Variants in ASB18 observed in about 807,000 individuals in gnomAD.
ASB18 encodes the protein ankyrin repeat and SOCS box containing 18.
ASB18 carries 33 observed loss-of-function variants against 33.4 expected under a neutral mutation model. The observed-to-expected ratio is 0.99, with a 90% CI of 0.75 to 1.32. The LOEUF (loss-of-function observed/expected upper bound fraction) is 1.32, where lower values mean the gene tolerates loss of function less well. Ranked by LOEUF, ASB18 falls within the 40% of genes most tolerant of loss-of-function variation. The probability of loss-of-function intolerance (pLI) is 0.00; values close to 1 mark genes in which losing one functional copy is unlikely to be tolerated. For synonymous variants in ASB18, 295 were observed against 307.6 expected, an observed-to-expected ratio of 0.96 and a Z score of 0.43; for missense variants, 694 against 655.5, an observed-to-expected ratio of 1.06 and a Z score of -0.64.
Position 236,214,830 on chromosome 2 carries a change from C to T in ASB18, c.633G>A (p.Val211=). 7 of 1,213,584 alleles carry T rather than the reference C, an allele frequency of 5.8e-6. No homozygotes were observed. The highest frequency in any genetic ancestry group is 7.2e-6 in the Non-Finnish European group (7 of 975,974). 75.2% of individuals were successfully genotyped at this position (1,213,584 alleles called of 1,614,324 possible). ...CCCGGCCCGTGCCGCCCACGCGCTG[C>T]ACCGAGGCCCCGTGCTCCAGCAGCG... ...AQALLEHGAS[V]QRVGGTGRDT... Residue 211 remains valine (V), a synonymous_variant, in exon 4 of 6, where the codon GTG becomes GTA. Coordinates refer to ENST00000409749, the MANE Select transcript of ASB18 (RefSeq NM_212556.4). The surrounding 1 kb of genome is among the most constrained non-coding windows in gnomAD (Gnocchi z 6.5).
intron 2 of ASB18, among the ~76,000 whole-genome samples, chr2:236,240,524 G>A (rs2060616382): frequency 6.6e-6 from 1 of 152,220 alleles, no homozygotes; most frequent in Non-Finnish European, 1.5e-5. Context: ...AAACTTCTTG[G>A]TAAATATGTT....
chr2:236,218,482 A>C (rs1248059873), intron 3 of ASB18, among the ~76,000 whole-genome samples: 1 of 152,196 alleles, frequency 6.6e-6, no homozygotes, highest in Admixed American at 6.5e-5. Flanking sequence ...AAAAGCTTAA[A>C]TATATCTATG....
chr2:236,256,931 A>G lies in ASB18; in HGVS notation c.205+7210T>C, dbSNP rs1039680162. 7.2e-5 allele frequency among the ~76,000 whole-genome samples: 11 copies of G among 152,266 alleles called. No individual in the cohort carries two copies. In the East Asian group the frequency reaches 1.9e-3, roughly 27 times the overall value. ...TGTGTCTCGTAGAAAGCAAAGAAAC[A>G]TTTTAATTCTAGGTGGTGGGAGATA... On this transcript the variant is annotated intron_variant, in intron 1 of 5. Transcript: ENST00000409749. The surrounding 1 kb of genome is among the most constrained non-coding windows in gnomAD (Gnocchi z 4.7).
chr2:236,230,657 G>T (rs2060559943), intron 3 of ASB18, among the ~76,000 whole-genome samples: 2 of 151,288 alleles, frequency 1.3e-5, no homozygotes, highest in African/African-American at 4.9e-5. Context: ...TATTACCTGA[G>T]GGTAGAGTGT....
At position 236,203,031 on chromosome 2, in the gene ASB18, T is replaced by C. The variant is rs1335786049; in HGVS notation, c.1102-6646A>G. Reference sequence around the variant, plus strand: ...TTGGTATTTGCATTTAGTTTTACAATGTGTTTCCCAATTATTTGTCCCTGT... The same window carrying C: ...TTGGTATTTGCATTTAGTTTTACAACGTGTTTCCCAATTATTTGTCCCTGT... On this transcript the variant is annotated intron_variant, in intron 4 of 5. Coordinates refer to ENST00000409749, the MANE Select transcript of ASB18 (RefSeq NM_212556.4). The surrounding 1 kb of genome is among the most constrained non-coding windows in gnomAD (Gnocchi z 6.0). Among the ~76,000 whole-genome samples, 4 of 152,070 alleles carry C rather than the reference T, an allele frequency of 2.6e-5. No homozygotes were observed. Among genetic ancestry groups the C allele is most frequent in the Non-Finnish European group, 5.9e-5 (4 of 68,026 alleles).
In ASB18 at chr2:236,209,072, G is replaced by A. The variant is rs1203835717; in HGVS notation, c.1101+5290C>T. ...GCACGCAACTCTGTGAAGATGGGAG[G>A]GGGAGCCCTGGTTTTTGACTACTGC... On this transcript the variant is annotated intron_variant, in intron 4 of 5. Coordinates refer to ENST00000409749, the MANE Select transcript of ASB18 (RefSeq NM_212556.4). The surrounding 1 kb of genome is among the most constrained non-coding windows in gnomAD (Gnocchi z 4.4). Among the ~76,000 whole-genome samples, 4 of 152,048 alleles carry A rather than the reference G, an allele frequency of 2.6e-5. No individual in the cohort carries two copies. Among genetic ancestry groups the A allele is most frequent in the African/African-American group, 7.2e-5 (3 of 41,384 alleles).
rs2060505038 is a variant in ASB18 at position 236,220,291 on chromosome 2, C to T, written c.597-5425G>A. On this transcript the variant is annotated intron_variant, in intron 3 of 5. Coordinates refer to ENST00000409749, the MANE Select transcript of ASB18 (RefSeq NM_212556.4). This position sits in a 1 kb window ranked among gnomAD's most constrained non-coding sequence, Gnocchi z 5.1. ...GGGCACAAGGCCTGGAGGCCTCAGC[C>T]TGGGCTCTCCCACTGTTTCCTCCTT... Among the ~76,000 whole-genome samples, 1 of 152,202 alleles carries T rather than the reference C, an allele frequency of 6.6e-6. No homozygotes were observed. Among genetic ancestry groups the T allele is most frequent in the Admixed American group, 6.5e-5 (1 of 15,288 alleles).
rs114475531 is a variant in ASB18, at chr2:236,234,331, T to G, written c.596+3358A>C. On this transcript the variant is annotated intron_variant, in intron 3 of 5. Coordinates refer to ENST00000409749, the MANE Select transcript of ASB18 (RefSeq NM_212556.4). This position sits in a 1 kb window ranked among gnomAD's most constrained non-coding sequence, Gnocchi z 4.1. Reference sequence around the variant, plus strand: ...CAGGGACCTTCCTGCTTCAGCCCCTTCAGAATAGAGATACAGGCTGTGAAC... The same window carrying G: ...CAGGGACCTTCCTGCTTCAGCCCCTGCAGAATAGAGATACAGGCTGTGAAC... 4.7e-3 allele frequency among the ~76,000 whole-genome samples: 722 copies of G among 152,268 alleles called. 1 individual carries two copies. Among genetic ancestry groups the G allele is most frequent in the Non-Finnish European group, 7.7e-3 (525 of 68,010 alleles).
In ASB18 at chr2:236,228,609, T is replaced by C. The variant is rs1057280424; in HGVS notation, c.596+9080A>G. ...CATAGAGGTTGAGAGTGTGGGCTGG[T>C]GGATTTCTACCAGAAAGTTTCTAGG... On this transcript the variant is annotated intron_variant, in intron 3 of 5. Transcript: ENST00000409749. This position sits in a 1 kb window ranked among gnomAD's most constrained non-coding sequence, Gnocchi z 5.1. Among the ~76,000 whole-genome samples the C allele has an allele frequency of 2.0e-5, 3 of 152,150 alleles. No individual in the cohort carries two copies. Among genetic ancestry groups the C allele is most frequent in the Non-Finnish European group, 2.9e-5 (2 of 68,040 alleles).
chr2:236,237,974 G>C lies in ASB18; in HGVS notation c.329-18C>G. The C allele has an allele frequency of 6.7e-7, 1 of 1,482,804 alleles. No individual in the cohort carries two copies. The highest frequency in any genetic ancestry group is 8.9e-7 in the Non-Finnish European group (1 of 1,124,976). The allele number at this position is 1,482,804 out of a possible 1,614,324, so 91.9% of individuals were successfully genotyped here. ...CCAGAGGCCTGCGGGGAGGGAGGTG[G>C]GATGTAAGGTCAGGGGGAGGTTAGT... On this transcript the variant is annotated intron_variant, in intron 2 of 5. Transcript: ENST00000409749. The surrounding 1 kb of genome is among the most constrained non-coding windows in gnomAD (Gnocchi z 6.2).
chr2:236,254,684 T>A (rs1325577742), intron 1 of ASB18, among the ~76,000 whole-genome samples: 1 of 152,158 alleles, frequency 6.6e-6, no homozygotes, highest in Non-Finnish European at 1.5e-5. Flanking sequence ...TATTGATGTT[T>A]TCAAATTTGC....
chr2:236,196,669 C>T lies in ASB18; in HGVS notation c.1102-284G>A, dbSNP rs2060375430. Among the ~76,000 whole-genome samples, 1 of 152,210 alleles carries T rather than the reference C, an allele frequency of 6.6e-6. No homozygotes were observed. The highest frequency in any genetic ancestry group is 2.1e-4 in the South Asian group (1 of 4,834). ...CCAAGTGCTTAAGCATTCAGGTTCC[C>T]AGGGGGGCTATGCTGGTGGCTTGGC... On this transcript the variant is annotated intron_variant, in intron 4 of 5. Coordinates refer to ENST00000409749, the MANE Select transcript of ASB18 (RefSeq NM_212556.4). This position sits in a 1 kb window ranked among gnomAD's most constrained non-coding sequence, Gnocchi z 5.6.
At chr2:236,198,332 T>C (rs2060383865) in intron 4 of ASB18, among the ~76,000 whole-genome samples, 1 of 152,228 alleles carries the variant, frequency 6.6e-6, no homozygotes, top group Non-Finnish European at 1.5e-5. Flanking sequence ...TTTTTTTCCA[T>C]GCAGAATAGA....
chr2:236,243,878 G>A (rs2060633188), intron 1 of ASB18, among the ~76,000 whole-genome samples: 1 of 152,104 alleles, frequency 6.6e-6, no homozygotes, highest in Admixed American at 6.5e-5. Context: ...CCAGGCTGGA[G>A]TACGGTGATG....
rs1437571194 is a variant in ASB18 at position 236,263,995 on chromosome 2, A to G, written c.205+146T>C. ...TGTACATGGTCTATGCAGTACACAT[A>G]TATGCATGTATGTATGAGAGTCAGA... is the stretch of plus-strand genomic sequence containing the variant. On this transcript the variant is annotated intron_variant, in intron 1 of 5. Coordinates refer to ENST00000409749, the MANE Select transcript of ASB18 (RefSeq NM_212556.4). This position sits in a 1 kb window ranked among gnomAD's most constrained non-coding sequence, Gnocchi z 4.0. The G allele has an allele frequency of 2.9e-6, 2 of 681,780 alleles. No individual in the cohort carries two copies. Among genetic ancestry groups the G allele is most frequent in the Admixed American group, 2.2e-5 (1 of 44,596 alleles). The allele number at this position is 681,780 out of a possible 1,614,324, so 42.2% of individuals were successfully genotyped here. A position where few individuals can be genotyped will look rare whatever the true frequency, so the allele number is the denominator to read the frequency against.
chr2:236,254,131 A>G (rs552002885), intron 1 of ASB18: 2 of 152,198 alleles, frequency 1.3e-5, no homozygotes, highest in Non-Finnish European at 2.9e-5. Context: ...AAGCAGCCAT[A>G]AAGAATATGT....
At chr2:236,246,086 C>T (rs2106282458) in intron 1 of ASB18, among the ~76,000 whole-genome samples, 1 of 152,230 alleles carries the variant, frequency 6.6e-6, no homozygotes, top group Admixed American at 6.5e-5. Context: ...GGCACAGTAG[C>T]TCATGCCTAT....
intron 4 of ASB18, among the ~76,000 whole-genome samples, chr2:236,202,795 ATATAT>A (rs1411716689): frequency 7.9e-5 from 8 of 101,040 alleles, no homozygotes; most frequent in African/African-American, 3.7e-4. Flanking sequence ...AAAAAAAAAA[ATATAT>A]ATATATATAT....
At chr2:236,246,224 A>G (rs996324097) in intron 1 of ASB18, among the ~76,000 whole-genome samples, 2 of 151,932 alleles carry the variant, frequency 1.3e-5, no homozygotes, top group African/African-American at 4.8e-5. Flanking sequence ...GTGGTGGCAC[A>G]TGCCTGTAAT....
Sources: gnomAD v4.1 joint callset for allele counts (sites outside exome capture counted in the v4.1 genomes callset) on GRCh38, gnomAD v4.1.1 for gene constraint, Gnocchi (gnomAD v3.1) non-coding constraint, MANE v1.5 for transcripts, NCBI Gene and HGNC (gene_info 2026-07-23, HGNC 2026-07-21) for gene names.